Variants in UST observed in about 807,000 individuals in gnomAD.
The protein encoded by UST is uronyl 2-sulfotransferase, also known as chondroitin sulfate 2-O-sulfotransferase.
In UST, 21 loss-of-function variants were observed where a neutral mutation model predicts 45.6. The observed-to-expected ratio is 0.46, with a 90% confidence interval of 0.33 to 0.66. UST has a LOEUF of 0.66. Ranked by LOEUF, UST falls within the 30% of genes least tolerant of loss-of-function variation. The pLI, the probability that UST is intolerant of heterozygous loss-of-function variation, is 0.02. For synonymous variants in UST, 215 were observed against 200.6 expected (o/e 1.07, Z -0.61); for missense variants, 463 against 512.4 (o/e 0.90, Z 0.93).
At chr6:148,857,391 T>C (rs1778224805) in intron 1 of UST, among the ~76,000 whole-genome samples, 1 of 152,142 alleles carries the variant, frequency 6.6e-6, no homozygotes, top group South Asian at 2.1e-4. Flanking sequence ...GCACAGCGAA[T>C]GTATTACGCC....
chr6:148,805,216 C>T (rs568464765), intron 1 of UST, among the ~76,000 whole-genome samples: 1 of 152,110 alleles, frequency 6.6e-6, no homozygotes, highest in Non-Finnish European at 1.5e-5. Context: ...CTTCAGTATC[C>T]CCAAGTCATT....
chr6:148,760,878 G>T (rs144478686), intron 1 of UST, among the ~76,000 whole-genome samples: 1 of 152,102 alleles, frequency 6.6e-6, no homozygotes, highest in Non-Finnish European at 1.5e-5. Flanking sequence ...GAGGAGACAC[G>T]GCTGGCCAGT....
intron 7 of UST, among the ~76,000 whole-genome samples, chr6:149,060,705 C>T (rs1359147426): frequency 6.6e-6 from 1 of 152,140 alleles, no homozygotes; most frequent in East Asian, 1.9e-4. Flanking sequence ...TTTCGGCACA[C>T]CTGTTGCCTG....
At chr6:148,985,114 A>G (rs1327369204) in intron 5 of UST, among the ~76,000 whole-genome samples, 1 of 152,202 alleles carries the variant, frequency 6.6e-6, no homozygotes, top group Non-Finnish European at 1.5e-5. Context: ...GCTGAGTTTC[A>G]GGTGCTTGCA....
At chr6:148,788,183 C>T (rs1356507815) in intron 1 of UST, among the ~76,000 whole-genome samples, 6 of 152,112 alleles carry the variant, frequency 3.9e-5, no homozygotes, top group Admixed American at 3.9e-4. Context: ...TCTTGTGAGA[C>T]TTATTTACTA....
At chr6:148,837,984 G>A (rs1777820318) in intron 1 of UST, among the ~76,000 whole-genome samples, 1 of 152,220 alleles carries the variant, frequency 6.6e-6, no homozygotes, top group Non-Finnish European at 1.5e-5. Flanking sequence ...GCCTGGCCAA[G>A]TTCCCTCTTC....
At chr6:148,976,696 CATCTT>C (rs1367544220) in intron 5 of UST, among the ~76,000 whole-genome samples, 1 of 152,198 alleles carries the variant, frequency 6.6e-6, no homozygotes, top group African/African-American at 2.4e-5. Context: ...TTTCCTTTCT[CATCTT>C]ATCATTGCCC....
At chr6:148,913,027 G>A (rs17665513) in intron 2 of UST, among the ~76,000 whole-genome samples, 39,957 of 152,074 alleles carry the variant, frequency 0.26, 5,615 homozygotes, top group Non-Finnish European at 0.31. Flanking sequence ...CCTGGTCCCT[G>A]TTTCTCACTT....
Position 148,942,384 on chromosome 6 carries a change from C to CGTCT in UST, c.447+951_447+954dup, listed in dbSNP as rs569502453. 7.3e-4 allele frequency among the ~76,000 whole-genome samples: 111 copies of CGTCT among 152,056 alleles called. 1 individual carries two copies. The Middle Eastern group carries it at 0.02, about 28-fold the overall frequency. The stretch of plus-strand genomic sequence containing the variant: ...TATCCTGGCCAACATGGTGAAACTG[C>CGTCT]GTCTCTACTAAAAATACAAAAAAAT... On this transcript the variant is annotated intron_variant, in intron 3 of 7. Coordinates refer to ENST00000367463, the MANE Select transcript of UST (RefSeq NM_005715.3).
chr6:148,924,304 C>A (rs1352673376), intron 2 of UST, among the ~76,000 whole-genome samples: 1 of 152,198 alleles, frequency 6.6e-6, no homozygotes, highest in Non-Finnish European at 1.5e-5. Flanking sequence ...CTGCTCACCC[C>A]CACTTCAGGG....
At chr6:148,874,191 T>TTATGCATC (rs2114820752) in intron 1 of UST, among the ~76,000 whole-genome samples, 1 of 152,400 alleles carries the variant, frequency 6.6e-6, no homozygotes, top group East Asian at 1.9e-4. Context: ...CATAAGATCA[T>TTATGCATC]ATAACATTAT....
intron 1 of UST, among the ~76,000 whole-genome samples, chr6:148,874,105 G>C (rs1778607715): frequency 6.6e-6 from 1 of 152,242 alleles, no homozygotes; most frequent in Non-Finnish European, 1.5e-5. Context: ...TCAGTTGACT[G>C]TAGCAATTAC....
intron 1 of UST, among the ~76,000 whole-genome samples, chr6:148,788,494 A>G (rs1387308636): frequency 1.3e-5 from 2 of 152,352 alleles, no homozygotes; most frequent in Admixed American, 1.3e-4. Context: ...TCTTTAAAAA[A>G]TGCTGTTATG....
intron 1 of UST, among the ~76,000 whole-genome samples, chr6:148,850,250 A>G (rs1024237603): frequency 9.2e-5 from 14 of 152,228 alleles, no homozygotes; most frequent in African/African-American, 3.4e-4. Context: ...AGGGCTTCAT[A>G]GCAGCCCACG....
chr6:148,747,820 C>T (rs1188199669), intron 1 of UST, 143 bp downstream of exon 1: 6 of 1,133,854 alleles, frequency 5.3e-6, no homozygotes, highest in Non-Finnish European at 6.9e-6. Flanking sequence ...CCGTGAGCAT[C>T]TGTGCCGCGG....
intron 2 of UST, among the ~76,000 whole-genome samples, chr6:148,905,645 A>G (rs17665064): frequency 0.21 from 31,329 of 152,168 alleles, 3,526 homozygotes; most frequent in South Asian, 0.3. Context: ...CCAGCCAACA[A>G]CAGAAGGAGA....
chr6:148,813,385 A>AG (rs1777295519), intron 1 of UST, among the ~76,000 whole-genome samples: 1 of 146,888 alleles, frequency 6.8e-6, no homozygotes, highest in African/African-American at 2.5e-5. Context: ...TAACAGAATA[A>AG]TTTTTTTTTT....
chr6:148,862,078 T>C (rs1778327656), intron 1 of UST, among the ~76,000 whole-genome samples: 1 of 152,150 alleles, frequency 6.6e-6, no homozygotes, highest in South Asian at 2.1e-4. Context: ...CATGGATCTG[T>C]CTAATGTTGA....
At chr6:148,948,350 A>G (rs1020307706) in intron 3 of UST, among the ~76,000 whole-genome samples, 1 of 152,268 alleles carries the variant, frequency 6.6e-6, no homozygotes, top group Non-Finnish European at 1.5e-5. Flanking sequence ...CTTATGAACC[A>G]CGTAGGGTTA....
Sources: allele counts gnomAD v4.1 joint callset (sites outside exome capture counted in the v4.1 genomes callset), GRCh38; gene constraint gnomAD v4.1.1; transcripts MANE v1.5; gene names NCBI Gene and HGNC (gene_info 2026-07-23, HGNC 2026-07-21).